The following SEM1 variants were observed in gnomAD, a reference collection of about 807,000 sequenced individuals.
The protein encoded by SEM1 is 26S proteasome complex subunit SEM1.
Under a neutral mutation model 12.7 loss-of-function variants are expected in SEM1, and 3 were observed. The observed-to-expected ratio is 0.24, with a 90% CI of 0.11 to 0.61. The LOEUF (loss-of-function observed/expected upper bound fraction) is 0.61. SEM1 is among the 20% of genes least tolerant of loss of function. The pLI is 0.88. For missense variants in SEM1, 59 were observed against 81.3 expected (o/e 0.73, Z 1.06); for synonymous variants, 30 against 27.8 (o/e 1.08, Z -0.25).
chr7:96,698,988 A>G (rs1156288835), intron 1 of SEM1, among the ~76,000 whole-genome samples: 1 of 152,028 alleles, frequency 6.6e-6, no homozygotes, highest in African/African-American at 2.4e-5. Context: ...TGTGGCTTTA[A>G]TTTTAATTCC....
chr7:96,559,182 T>A (rs1805619310), intron 2 of SEM1, among the ~76,000 whole-genome samples: 1 of 152,162 alleles, frequency 6.6e-6, no homozygotes, highest in African/African-American at 2.4e-5. Flanking sequence ...ACAATTACTG[T>A]AACTTTTTAG....
chr7:96,514,983 C>T (rs1354637254), intron 2 of SEM1, among the ~76,000 whole-genome samples: 1 of 152,028 alleles, frequency 6.6e-6, no homozygotes, highest in East Asian at 1.9e-4. Flanking sequence ...ATATTACCAA[C>T]CTCAAGACAT....
chr7:96,528,592 A>T (rs941776032), intron 2 of SEM1, among the ~76,000 whole-genome samples: 1 of 152,300 alleles, frequency 6.6e-6, no homozygotes. Flanking sequence ...AAAACAACCT[A>T]CAAAATTTGT....
intron 2 of SEM1, among the ~76,000 whole-genome samples, chr7:96,611,983 T>A (rs995155953): frequency 6.9e-6 from 1 of 144,522 alleles, no homozygotes. Context: ...TCCTTTCTCT[T>A]CCTTACCCCC....
At chr7:96,495,930 A>T (rs1046754915) in intron 1 of SEM1, among the ~76,000 whole-genome samples, 1 of 152,104 alleles carries the variant, frequency 6.6e-6, no homozygotes, top group African/African-American at 2.4e-5. Context: ...CTACCTACAC[A>T]CATACACCAC....
chr7:96,501,120 C>G (rs565296696), upstream of SEM1, among the ~76,000 whole-genome samples: 25 of 152,234 alleles, frequency 1.6e-4, no homozygotes, highest in South Asian at 1.2e-3. Flanking sequence ...ACCCTCTGCA[C>G]GTTCTAAGTA....
intron 2 of SEM1, among the ~76,000 whole-genome samples, chr7:96,608,415 G>C (rs1360635878): frequency 6.6e-6 from 1 of 151,956 alleles, no homozygotes; most frequent in Non-Finnish European, 1.5e-5. Context: ...TATTTAAAAA[G>C]TCATTTTATT....
At chr7:96,549,095 T>A (rs10953180) in intron 2 of SEM1, among the ~76,000 whole-genome samples, 93,347 of 152,038 alleles carry the variant, frequency 0.61, 29,409 homozygotes, top group Non-Finnish European at 0.69. Flanking sequence ...TGGCAAGAGG[T>A]AATCCACTCC....
intron 1 of SEM1, chr7:96,695,444 C>G (rs1366266513): frequency 5.9e-5 from 9 of 151,904 alleles, no homozygotes; most frequent in African/African-American, 2.2e-4. Flanking sequence ...TTTTCTTCCT[C>G]CCTTTGGTAG....
At chr7:96,562,821 C>T (rs986211067) in intron 2 of SEM1, among the ~76,000 whole-genome samples, 2 of 152,136 alleles carry the variant, frequency 1.3e-5, no homozygotes, top group African/African-American at 2.4e-5. Flanking sequence ...TGCCACCATG[C>T]GTGGCTCTGT....
intron 2 of SEM1, among the ~76,000 whole-genome samples, chr7:96,637,008 G>C (rs1808448621): frequency 6.6e-6 from 1 of 152,026 alleles, no homozygotes; most frequent in Non-Finnish European, 1.5e-5. Flanking sequence ...AAAGGAAAAA[G>C]AAAGTATTAT....
intron 2 of SEM1, among the ~76,000 whole-genome samples, chr7:96,651,870 G>C (rs1244955641): frequency 6.6e-6 from 1 of 152,148 alleles, no homozygotes; most frequent in Admixed American, 6.5e-5. Flanking sequence ...ACCACACCTG[G>C]CTGCAAAAGG....
intron 2 of SEM1, 36 bp from the exon 3 acceptor site, chr7:96,689,002 T>C (rs1221934803): frequency 7.7e-7 from 1 of 1,294,092 alleles, no homozygotes; most frequent in Non-Finnish European, 1.1e-6. Context: ...CTAGGTATTC[T>C]TTATAATAAA....
At chr7:96,691,075 C>T (rs1789918715) in intron 2 of SEM1, among the ~76,000 whole-genome samples, 1 of 152,090 alleles carries the variant, frequency 6.6e-6, no homozygotes, top group African/African-American at 2.4e-5. Context: ...CTGGCCTATA[C>T]TGGCTTCTTA....
intron 2 of SEM1, among the ~76,000 whole-genome samples, chr7:96,507,069 G>T (rs1803777152): frequency 6.6e-6 from 1 of 151,906 alleles, no homozygotes; most frequent in South Asian, 2.1e-4. Flanking sequence ...AAAAAAATTA[G>T]AGGAAAAGAC....
rs397739878 is a variant in SEM1, at chr7:96,514,530, CA to C, written c.171-7833del. 1.4e-4 allele frequency among the ~76,000 whole-genome samples: 2 copies of C among 13,822 alleles called. 1 individual carries two copies. The highest frequency in any genetic ancestry group is 9.6e-3 in the South Asian group (2 of 208). 9.1% of individuals were successfully genotyped at this position (13,822 alleles called of 152,430 possible). A position where few individuals can be genotyped will look rare whatever the true frequency, so the allele number is the denominator to read the frequency against. On this transcript the variant is annotated intron_variant and NMD_transcript_variant, in intron 2 of 3. Transcript: ENST00000466986. ...TCTGTAGAAAATCTTAAGTAATTGA[CA>C]AAAAACCTCCATAATAAGTGATTAT...
At chr7:96,488,973 G>A (rs574268689) in intron 1 of SEM1, among the ~76,000 whole-genome samples, 7 of 152,174 alleles carry the variant, frequency 4.6e-5, no homozygotes, top group South Asian at 2.1e-4. Flanking sequence ...TGGGATGTGC[G>A]TACAGATACA....
At chr7:96,613,069 G>C (rs1342763198) in intron 2 of SEM1, among the ~76,000 whole-genome samples, 1 of 152,196 alleles carries the variant, frequency 6.6e-6, no homozygotes, top group Non-Finnish European at 1.5e-5. Flanking sequence ...CATGGTTGTA[G>C]AGAGAAAAAG....
At chr7:96,642,625 A>T (rs2116397475) in intron 2 of SEM1, among the ~76,000 whole-genome samples, 1 of 151,948 alleles carries the variant, frequency 6.6e-6, no homozygotes, top group South Asian at 2.1e-4. Context: ...TAATAGTAGG[A>T]TATTAATCCT....
Sources: allele counts gnomAD v4.1 joint callset (sites outside exome capture counted in the v4.1 genomes callset), GRCh38; gene constraint gnomAD v4.1.1; transcripts MANE v1.5; gene names NCBI Gene and HGNC (gene_info 2026-07-23, HGNC 2026-07-21).